The following SPOCK1 variants were observed in gnomAD, a reference collection of about 807,000 sequenced individuals.
The protein encoded by SPOCK1 is SPARC (osteonectin), cwcv and kazal like domains proteoglycan 1, also known as testican-1.
In SPOCK1, 23 loss-of-function variants were observed where a neutral mutation model predicts 55.3. The observed-to-expected ratio is 0.42, with a 90% CI of 0.30 to 0.59. The LOEUF is 0.59. SPOCK1 is among the 20% of genes least tolerant of loss of function. The probability of loss-of-function intolerance (pLI) is 0.22; values close to 1 mark genes in which losing one functional copy is unlikely to be tolerated. For missense variants in SPOCK1, 499 were observed against 552.5 expected (o/e 0.90, Z 0.97); for synonymous variants, 226 against 221.0 (o/e 1.02, Z -0.20).
intron 3 of SPOCK1, among the ~76,000 whole-genome samples, chr5:137,227,001 A>T (rs1580816888): frequency 6.6e-6 from 1 of 152,336 alleles, no homozygotes; most frequent in Non-Finnish European, 1.5e-5. Context: ...CCTCTTTCAA[A>T]GCCTTCCTCT....
intron 3 of SPOCK1, among the ~76,000 whole-genome samples, chr5:137,182,356 C>A (rs1754985486): frequency 6.6e-6 from 1 of 152,186 alleles, no homozygotes; most frequent in Non-Finnish European, 1.5e-5. Context: ...TGAATCTTAA[C>A]TCATTCTTCA....
At chr5:137,100,648 G>A (rs1416471720) in intron 5 of SPOCK1, among the ~76,000 whole-genome samples, 2 of 152,156 alleles carry the variant, frequency 1.3e-5, no homozygotes, top group Non-Finnish European at 2.9e-5. Context: ...TGACTTTGGG[G>A]AGGTTTGGAT....
chr5:137,357,227 G>A (rs909000698), intron 2 of SPOCK1, among the ~76,000 whole-genome samples: 1 of 152,056 alleles, frequency 6.6e-6, no homozygotes, highest in African/African-American at 2.4e-5. Flanking sequence ...TTAGGCCACC[G>A]TGCTAACTCC....
intron 4 of SPOCK1, among the ~76,000 whole-genome samples, chr5:137,129,801 A>G (rs555900131): frequency 6.6e-6 from 1 of 152,332 alleles, no homozygotes; most frequent in Admixed American, 6.5e-5. Flanking sequence ...CCTGAGCAGC[A>G]AGGAATCAGA....
chr5:137,193,360 G>T (rs1211464671), intron 3 of SPOCK1, among the ~76,000 whole-genome samples: 1 of 152,144 alleles, frequency 6.6e-6, no homozygotes, highest in Non-Finnish European at 1.5e-5. Flanking sequence ...GTTAAGGGGA[G>T]GTAGAAAGTG....
At chr5:137,154,036 C>T (rs1754367952) in intron 3 of SPOCK1, among the ~76,000 whole-genome samples, 1 of 151,916 alleles carries the variant, frequency 6.6e-6, no homozygotes, top group Admixed American at 6.6e-5. Context: ...GCCTGTAATC[C>T]CAGCACTTTG....
chr5:137,250,046 AC>A (rs1756478094), intron 3 of SPOCK1, among the ~76,000 whole-genome samples: 1 of 152,238 alleles, frequency 6.6e-6, no homozygotes, highest in South Asian at 2.1e-4. Context: ...GTTTTATATA[AC>A]CCATGAGTTA....
At chr5:137,080,588 G>A (rs1012797318) in intron 5 of SPOCK1, among the ~76,000 whole-genome samples, 2 of 152,142 alleles carry the variant, frequency 1.3e-5, no homozygotes, top group African/African-American at 4.8e-5. Context: ...GGCTCCACCA[G>A]GGGTGGAGAT....
intron 3 of SPOCK1, among the ~76,000 whole-genome samples, chr5:137,169,432 C>T (rs1754706031): frequency 6.6e-6 from 1 of 152,030 alleles, no homozygotes; most frequent in Admixed American, 6.6e-5. Flanking sequence ...ATCAAAATAT[C>T]TCATGTACCC....
chr5:137,497,699 C>G (rs943402073), intron 2 of SPOCK1, among the ~76,000 whole-genome samples: 1 of 152,180 alleles, frequency 6.6e-6, no homozygotes, highest in Non-Finnish European at 1.5e-5. Flanking sequence ...AGGGCTCCCA[C>G]GGAGGAGCAA....
intron 3 of SPOCK1, among the ~76,000 whole-genome samples, chr5:137,230,221 C>T (rs1392147050): frequency 1.3e-5 from 2 of 152,226 alleles, no homozygotes; most frequent in African/African-American, 4.8e-5. Context: ...ACTTCTTAAA[C>T]TTTGTGCAAG....
chr5:137,246,625 T>G (rs1229115973), intron 3 of SPOCK1, among the ~76,000 whole-genome samples: 1 of 152,186 alleles, frequency 6.6e-6, no homozygotes, highest in Non-Finnish European at 1.5e-5. Context: ...AGACTCTAAA[T>G]TTGATGGCCC....
At chr5:137,270,833 T>C (rs935717992) in intron 2 of SPOCK1, among the ~76,000 whole-genome samples, 2 of 152,040 alleles carry the variant, frequency 1.3e-5, no homozygotes, top group African/African-American at 4.8e-5. Flanking sequence ...TGAAACCATA[T>C]CTCTACTAAC....
intron 3 of SPOCK1, among the ~76,000 whole-genome samples, chr5:137,152,026 A>C (rs1754326830): frequency 6.6e-6 from 1 of 152,130 alleles, no homozygotes; most frequent in African/African-American, 2.4e-5. Context: ...ATTAAATTTC[A>C]TTCCTCAACT....
chr5:137,393,105 G>T (rs530690551), intron 2 of SPOCK1, among the ~76,000 whole-genome samples: 3 of 152,230 alleles, frequency 2.0e-5, no homozygotes, highest in Admixed American at 2.0e-4. Flanking sequence ...ATAGACACAT[G>T]ATAGAATTTT....
chr5:137,175,816 C>T (rs767042135), intron 3 of SPOCK1, among the ~76,000 whole-genome samples: 4 of 152,172 alleles, frequency 2.6e-5, no homozygotes, highest in Non-Finnish European at 5.9e-5. Flanking sequence ...ATCTCCACCA[C>T]CATCCATTTA....
chr5:137,487,333 CAAAAAAAAAA>C (rs11330611), intron 2 of SPOCK1, among the ~76,000 whole-genome samples: 2 of 53,322 alleles, frequency 3.8e-5, no homozygotes, highest in African/African-American at 6.5e-5. Flanking sequence ...TCTGATCTTT[CAAAAAAAAAA>C]AAAAAAAAAA....
intron 5 of SPOCK1, among the ~76,000 whole-genome samples, chr5:137,098,675 G>C (rs1753201800): frequency 6.6e-6 from 1 of 152,178 alleles, no homozygotes; most frequent in Non-Finnish European, 1.5e-5. Flanking sequence ...TGAAAGCTTT[G>C]TCACATCAGT....
rs528429831 is a variant in SPOCK1 at position 137,117,266 on chromosome 5, A to T, written c.348-4705T>A. 3.9e-5 allele frequency among the ~76,000 whole-genome samples: 6 copies of T among 152,320 alleles called. No homozygotes were observed. The South Asian group carries it at 1.2e-3, about 32-fold the overall frequency. ...AAATTCAAGTCTATAGGACTGGACA[A>T]TTATTTTCCATCTGCATAACAATGT... On this transcript the variant is annotated intron_variant, in intron 4 of 10. Coordinates refer to ENST00000394945, the MANE Select transcript of SPOCK1 (RefSeq NM_004598.4).
Sources: allele counts gnomAD v4.1 joint callset (sites outside exome capture counted in the v4.1 genomes callset), GRCh38; gene constraint gnomAD v4.1.1; transcripts MANE v1.5; gene names NCBI Gene and HGNC (gene_info 2026-07-23, HGNC 2026-07-21).